Variants in SCN2A observed in about 807,000 individuals in gnomAD.
SCN2A encodes the protein sodium voltage-gated channel alpha subunit 2.
In SCN2A, 20 loss-of-function variants were observed where a neutral mutation model predicts 188.7. The observed-to-expected ratio is 0.11, with a 90% confidence interval of 0.07 to 0.15. The LOEUF (loss-of-function observed/expected upper bound fraction) is 0.15. Ranked by LOEUF, SCN2A falls within the 10% of genes least tolerant of loss-of-function variation. SCN2A has a pLI of 1.00. For missense variants in SCN2A, 1,278 were observed against 2,445.0 expected, an observed-to-expected ratio of 0.52 and a Z score of 10.07; for synonymous variants, 804 against 833.1, an observed-to-expected ratio of 0.97 and a Z score of 0.60.
In SCN2A at chr2:165,389,002, C is replaced by T. The variant is rs766372407; in HGVS notation, c.5196C>T (p.Asp1732=). The change falls in exon 27 of 27, where the codon GAC becomes GAT. Residue 1732 remains aspartate (D), a synonymous_variant. Coordinates refer to ENST00000375437, the MANE Select transcript of SCN2A (RefSeq NM_001040142.2). This position sits in a 1 kb window ranked among gnomAD's most constrained non-coding sequence, Gnocchi z 4.2. ...PILNSGPPDC[D]PDKDHPGSSV... ...TTAATAGTGGACCTCCAGACTGTGA[C>T]CCTGACAAAGATCACCCTGGAAGCT... The T allele has an allele frequency of 1.2e-6, 2 of 1,613,974 alleles. No individual in the cohort carries two copies. The highest frequency in any genetic ancestry group is 1.3e-5 in the African/African-American group (1 of 74,882).
intron 3 of SCN2A, among the ~76,000 whole-genome samples, chr2:165,297,657 A>C (rs964148391): frequency 1.3e-5 from 2 of 152,166 alleles, no homozygotes; most frequent in African/African-American, 4.8e-5. Flanking sequence ...ACACCCTTTC[A>C]AATACTTTTC....
intron 1 of SCN2A, chr2:165,290,623 G>A: frequency 4.7e-6 from 1 of 211,930 alleles, no homozygotes; most frequent in Non-Finnish European, 8.1e-6. Context: ...AATTTATTTT[G>A]AATTAGAATC....
chr2:165,274,850 G>C (rs1218029586), intron 1 of SCN2A, among the ~76,000 whole-genome samples: 1 of 152,190 alleles, frequency 6.6e-6, no homozygotes, highest in African/African-American at 2.4e-5. Context: ...GGCAGCCCGG[G>C]CTTGGCTATC....
At chr2:165,261,322 A>G (rs868585895) in intron 1 of SCN2A, among the ~76,000 whole-genome samples, 2 of 152,210 alleles carry the variant, frequency 1.3e-5, no homozygotes, top group African/African-American at 2.4e-5. Flanking sequence ...TTCCACTTCT[A>G]TATTTCTTCC....
chr2:165,289,770 T>G lies in SCN2A; in HGVS notation c.-51-6003T>G, dbSNP rs1166671619. On this transcript the variant is annotated intron_variant, in intron 1 of 26. Transcript: ENST00000375437. Reference sequence around the variant, plus strand: ...ACTCAGTGTTGTTCATTCGATGTTTTATATGTTTTGGTAAAACATTTTGTG... The same window carrying G: ...ACTCAGTGTTGTTCATTCGATGTTTGATATGTTTTGGTAAAACATTTTGTG... Among the ~76,000 whole-genome samples, 7 of 152,174 alleles carry G rather than the reference T, an allele frequency of 4.6e-5. No individual in the cohort carries two copies. In the East Asian group the frequency reaches 1.3e-3, roughly 29 times the overall value.
rs1272204048 is a variant in SCN2A, at chr2:165,314,190, T to C, written c.1383+82T>C. ...AATGTTGAGGTCAGTGGCAAGGTAG[T>C]TGACATTAGAAATAGGTCATATGTG... is the stretch of plus-strand genomic sequence containing the variant. On this transcript the variant is annotated intron_variant, in intron 10 of 26. Transcript: ENST00000375437. The C allele has an allele frequency of 3.5e-6, 5 of 1,411,164 alleles. No individual in the cohort carries two copies. In the South Asian group the frequency reaches 6.1e-5, roughly 17 times the overall value. The allele number at this position is 1,411,164 out of a possible 1,614,324, so 87.4% of individuals were successfully genotyped here. A position where few individuals can be genotyped will look rare whatever the true frequency, so the allele number is the denominator to read the frequency against.
chr2:165,344,523 A>G (rs1468922032), intron 15 of SCN2A, 32 bp from the exon 16 acceptor site: 2 of 1,361,900 alleles, frequency 1.5e-6, no homozygotes, highest in Non-Finnish European at 1.9e-6. Context: ...AGAAATGCAG[A>G]GCATTAACAC....
chr2:165,309,092 A>T, intron 5 of SCN2A: 3 of 1,494,882 alleles, frequency 2.0e-6, no homozygotes, highest in Non-Finnish European at 2.8e-6. Flanking sequence ...ATGAAATTAA[A>T]AAGGTCTTGA....
intron 1 of SCN2A, among the ~76,000 whole-genome samples, chr2:165,284,043 T>TTC (rs1246449536): frequency 4.0e-5 from 6 of 149,630 alleles, no homozygotes; most frequent in East Asian, 1.9e-4. Flanking sequence ...TCCTCTCTAG[T>TTC]TCTCTCTCTC....
chr2:165,291,601 T>TCTCTCTCTCTCTCTCTCTCTCTCTC, intron 1 of SCN2A, among the ~76,000 whole-genome samples: 1 of 86,720 alleles, frequency 1.2e-5, no homozygotes, highest in African/African-American at 3.6e-5. Context: ...CTCTCTCTCT[T>TCTCTCTCTCTCTCTCTCTCTCTCTC]TCTTTCTTTG....
Position 165,309,351 on chromosome 2 carries a change from G to C in SCN2A, c.606-1G>C. On this transcript the variant is annotated splice_acceptor_variant, in intron 5 of 26. Transcript: ENST00000375437. LOFTEE classifies it high-confidence loss of function. Reference sequence around the variant, plus strand: ...GTTTGTGTGTGAACCCCCTATTACAGATATGTGACAGAGTTTGTGGACCTG... The same window carrying C: ...GTTTGTGTGTGAACCCCCTATTACACATATGTGACAGAGTTTGTGGACCTG... The C allele has an allele frequency of 6.2e-7, 1 of 1,613,658 alleles. No individual in the cohort carries two copies. Among genetic ancestry groups the C allele is most frequent in the Non-Finnish European group, 8.5e-7 (1 of 1,179,706 alleles).
intron 14 of SCN2A, among the ~76,000 whole-genome samples, chr2:165,336,253 A>C (rs1490843922): frequency 1.3e-5 from 2 of 151,910 alleles, no homozygotes; most frequent in African/African-American, 2.4e-5. Flanking sequence ...ATTTCTTCGG[A>C]TATATATATC....
intron 1 of SCN2A, among the ~76,000 whole-genome samples, chr2:165,246,644 C>T (rs894823840): frequency 1.3e-5 from 2 of 152,166 alleles, no homozygotes; most frequent in African/African-American, 4.8e-5. Flanking sequence ...ACATACCTCA[C>T]AAACTCCTCC....
At chr2:165,260,863 G>A (rs543875453) in intron 1 of SCN2A, among the ~76,000 whole-genome samples, 56 of 151,166 alleles carry the variant, frequency 3.7e-4, no homozygotes, top group African/African-American at 1.0e-3. Context: ...CCAGCTACTC[G>A]GGAGTCTGAG....
chr2:165,281,568 C>T (rs913956852), intron 1 of SCN2A, among the ~76,000 whole-genome samples: 1 of 152,062 alleles, frequency 6.6e-6, no homozygotes, highest in African/African-American at 2.4e-5. Context: ...GGGGGGTGGG[C>T]AGACCTTGCA....
At chr2:165,273,940 T>C (rs1434733312) in intron 1 of SCN2A, 5 of 152,182 alleles carry the variant, frequency 3.3e-5, no homozygotes, top group Non-Finnish European at 5.9e-5. Flanking sequence ...TTTTCTGTTT[T>C]CATTTGTAGA....
In SCN2A at chr2:165,311,384, T is replaced by C. The variant is rs150419615; in HGVS notation, c.971-641T>C. On this transcript the variant is annotated intron_variant, in intron 7 of 26. Coordinates refer to ENST00000375437, the MANE Select transcript of SCN2A (RefSeq NM_001040142.2). The stretch of plus-strand genomic sequence containing the variant: ...TATGTCATGCCTTAAAAATAAAAAC[T>C]AGATAGCTCTCCATAGCTTAAAAAT... Among the ~76,000 whole-genome samples the C allele has an allele frequency of 7.8e-3, 1,193 of 152,182 alleles. 12 individuals are homozygous for C. The highest frequency in any genetic ancestry group is 0.028 in the African/African-American group (1,151 of 41,550).
At chr2:165,361,763 G>A (rs568082196) in intron 17 of SCN2A, among the ~76,000 whole-genome samples, 3 of 152,114 alleles carry the variant, frequency 2.0e-5, no homozygotes, top group African/African-American at 7.2e-5. Flanking sequence ...TGTATACAGA[G>A]TGAAAAGAGG....
chr2:165,379,212 A>G (rs1307925650), intron 23 of SCN2A, among the ~76,000 whole-genome samples: 5 of 151,764 alleles, frequency 3.3e-5, no homozygotes, highest in Non-Finnish European at 7.4e-5. Context: ...CAAAAACAGT[A>G]GAAATAGGCA....
Sources: gnomAD v4.1 joint callset for allele counts (sites outside exome capture counted in the v4.1 genomes callset) on GRCh38, gnomAD v4.1.1 for gene constraint, Gnocchi (gnomAD v3.1) non-coding constraint, MANE v1.5 for transcripts, NCBI Gene and HGNC (gene_info 2026-07-23, HGNC 2026-07-21) for gene names.